Variants in SEMA3D observed in about 807,000 individuals in gnomAD.
SEMA3D encodes semaphorin-3D.
SEMA3D carries 84 observed loss-of-function variants against 100.1 expected under a neutral mutation model. The ratio of observed to expected loss-of-function variants is 0.84; its 90% CI spans 0.70 to 1.01. The LOEUF (loss-of-function observed/expected upper bound fraction) is 1.01, where lower values mean the gene tolerates loss of function less well. Ranked by LOEUF, SEMA3D falls within the 50% of genes least tolerant of loss-of-function variation. SEMA3D has a pLI of 0.00. For synonymous variants in SEMA3D, 312 were observed against 320.7 expected (o/e 0.97, Z 0.29); for missense variants, 875 against 934.1 (o/e 0.94, Z 0.82).
chr7:85,063,463 C>T (rs535570853), intron 8 of SEMA3D, among the ~76,000 whole-genome samples: 115 of 152,280 alleles, frequency 7.6e-4, no homozygotes, highest in African/African-American at 2.7e-3. Context: ...TTTTCTCCTA[C>T]CTTCAATTTA....
intron 4 of SEMA3D, among the ~76,000 whole-genome samples, chr7:85,092,168 A>G (rs1788412923): frequency 6.6e-6 from 1 of 152,100 alleles, no homozygotes; most frequent in Non-Finnish European, 1.5e-5. Context: ...GTCTTGTACT[A>G]GTTCAAAACC....
chr7:85,199,908 C>T, the SEMA3D span, among the ~76,000 whole-genome samples: 1 of 152,120 alleles, frequency 6.6e-6, no homozygotes, highest in Non-Finnish European at 1.5e-5. Context: ...GTTCTCATGA[C>T]AGTGTATGAG....
chr7:85,083,329 G>T (rs951874714), intron 4 of SEMA3D, among the ~76,000 whole-genome samples: 1 of 152,104 alleles, frequency 6.6e-6, no homozygotes, highest in Non-Finnish European at 1.5e-5. Flanking sequence ...AATAATGTAA[G>T]TTAGTAAATA....
chr7:85,246,408 C>T, the SEMA3D span, among the ~76,000 whole-genome samples: 2 of 152,136 alleles, frequency 1.3e-5, no homozygotes, highest in East Asian at 3.9e-4. Flanking sequence ...ATAACTTCAT[C>T]TTCCTTCAGA....
At chr7:85,050,518 G>C in intron 9 of SEMA3D, 1 of 337,580 alleles carries the variant, frequency 3.0e-6, no homozygotes, top group Non-Finnish European at 5.4e-6. Context: ...AACATATTAA[G>C]TTTAAAAGAT....
the SEMA3D span, among the ~76,000 whole-genome samples, chr7:85,235,052 T>G: frequency 6.6e-6 from 1 of 152,138 alleles, no homozygotes; most frequent in Non-Finnish European, 1.5e-5. Flanking sequence ...AACAAGATCT[T>G]CAGACAGAGA....
chr7:85,157,113 T>A (rs532449189), intron 1 of SEMA3D, among the ~76,000 whole-genome samples: 1 of 152,260 alleles, frequency 6.6e-6, no homozygotes, highest in African/African-American at 2.4e-5. Context: ...ACAGCCTACC[T>A]TTTTAGTCTG....
the SEMA3D span, among the ~76,000 whole-genome samples, chr7:85,231,000 T>C: frequency 1.3e-5 from 2 of 152,336 alleles, no homozygotes; most frequent in East Asian, 1.9e-4. Context: ...GTTTCTGTAA[T>C]AGTTTACACT....
chr7:85,193,080 A>T, the SEMA3D span, among the ~76,000 whole-genome samples: 1 of 152,188 alleles, frequency 6.6e-6, no homozygotes, highest in African/African-American at 2.4e-5. Flanking sequence ...AAGTAAAAAA[A>T]CTGAACAAAA....
At chr7:85,218,501 T>C in the SEMA3D span, among the ~76,000 whole-genome samples, 1 of 152,140 alleles carries the variant, frequency 6.6e-6, no homozygotes, top group African/African-American at 2.4e-5. Context: ...TTTCTCACTA[T>C]ATCTCATGAG....
intron 3 of SEMA3D, among the ~76,000 whole-genome samples, chr7:85,103,980 T>C (rs1413137481): frequency 6.6e-6 from 1 of 152,044 alleles, no homozygotes; most frequent in Non-Finnish European, 1.5e-5. Flanking sequence ...TATGTGTGCA[T>C]TTTTTGAAGA....
At chr7:85,106,945 A>G (rs993695982) in intron 3 of SEMA3D, among the ~76,000 whole-genome samples, 2 of 152,074 alleles carry the variant, frequency 1.3e-5, no homozygotes, top group African/African-American at 4.8e-5. Flanking sequence ...ACACGTGGGG[A>G]TTACGGGAAC....
chr7:85,207,292 G>A, the SEMA3D span, among the ~76,000 whole-genome samples: 7 of 151,908 alleles, frequency 4.6e-5, no homozygotes, highest in Non-Finnish European at 7.4e-5. Flanking sequence ...CTGCCTTCTC[G>A]TCTGTTTATG....
intron 9 of SEMA3D, among the ~76,000 whole-genome samples, chr7:85,042,566 C>T (rs1244902498): frequency 6.6e-6 from 1 of 151,672 alleles, no homozygotes; most frequent in Non-Finnish European, 1.5e-5. Flanking sequence ...GAAATCAAAT[C>T]CCACCTGCCA....
intron 2 of SEMA3D, among the ~76,000 whole-genome samples, chr7:85,149,675 T>C (rs985262388): frequency 6.6e-6 from 1 of 152,148 alleles, no homozygotes; most frequent in Non-Finnish European, 1.5e-5. Flanking sequence ...GCTTTTATAG[T>C]AGACTTACAG....
At chr7:85,051,822 T>C (rs2116054527) in intron 9 of SEMA3D, among the ~76,000 whole-genome samples, 1 of 152,074 alleles carries the variant, frequency 6.6e-6, no homozygotes, top group East Asian at 1.9e-4. Context: ...TGTTGTATCT[T>C]CCAGGAATCA....
At chr7:85,142,686 T>G in intron 2 of SEMA3D, 1 of 983,228 alleles carries the variant, frequency 1.0e-6, no homozygotes, top group Non-Finnish European at 1.2e-6. Context: ...TTTTTTTTTT[T>G]TTTTTTTAGT....
At chr7:85,005,637 A>C (rs1194798639) in intron 18 of SEMA3D, among the ~76,000 whole-genome samples, 1 of 151,980 alleles carries the variant, frequency 6.6e-6, no homozygotes, top group Non-Finnish European at 1.5e-5. Context: ...TTTTACTTGA[A>C]GGTTTCTTAA....
the SEMA3D span, among the ~76,000 whole-genome samples, chr7:85,231,739 T>C: frequency 7.1e-3 from 1,083 of 152,230 alleles, 8 homozygotes; most frequent in Middle Eastern, 0.02. Context: ...CGTGAGCCAC[T>C]GCGCCAGGCC....
Sources: allele counts gnomAD v4.1 joint callset (sites outside exome capture counted in the v4.1 genomes callset), GRCh38; gene constraint gnomAD v4.1.1; transcripts MANE v1.5; gene names NCBI Gene and HGNC (gene_info 2026-07-23, HGNC 2026-07-21).